ARMC9: variants seen among roughly 807,000 people sequenced by gnomAD.
ARMC9 encodes the protein lisH domain-containing protein ARMC9.
A neutral mutation model predicts 107.0 loss-of-function variants in ARMC9; 94 were observed. The observed-to-expected ratio is 0.88, with a 90% CI of 0.74 to 1.04. The LOEUF (loss-of-function observed/expected upper bound fraction) is 1.04. Among genes scored for constraint, ARMC9 ranks in the 50% least tolerant of loss-of-function variants. ARMC9 has a pLI of 0.00. For synonymous variants in ARMC9, 380 were observed against 396.9 expected (o/e 0.96, Z 0.51); for missense variants, 942 against 1,030.1 (o/e 0.91, Z 1.17).
At chr2:231,210,831 G>A (rs1357031128) in intron 3 of ARMC9, among the ~76,000 whole-genome samples, 1 of 152,168 alleles carries the variant, frequency 6.6e-6, no homozygotes, top group African/African-American at 2.4e-5. Context: ...TGTTAAATGT[G>A]TTCACATTGT....
chr2:231,336,098 T>TAAATAC (rs1182306199), intron 20 of ARMC9, among the ~76,000 whole-genome samples: 1 of 151,516 alleles, frequency 6.6e-6, no homozygotes, highest in South Asian at 2.1e-4. Context: ...TAAAAATAAA[T>TAAATAC]AAATACAAAT....
chr2:231,289,218 C>T (rs1052639221), intron 17 of ARMC9, among the ~76,000 whole-genome samples: 1 of 152,122 alleles, frequency 6.6e-6, no homozygotes, highest in Non-Finnish European at 1.5e-5. Flanking sequence ...TGTAATCCCA[C>T]CACTTTGGGA....
chr2:231,243,228 CAG>C (rs1323461781), intron 9 of ARMC9, among the ~76,000 whole-genome samples: 8 of 146,570 alleles, frequency 5.5e-5, no homozygotes, highest in Non-Finnish European at 3.0e-5. Context: ...GCCTGGGTGA[CAG>C]AGCAAGACTC....
intron 17 of ARMC9, among the ~76,000 whole-genome samples, chr2:231,288,282 TA>T (rs2040745469): frequency 6.6e-6 from 1 of 152,192 alleles, no homozygotes; most frequent in African/African-American, 2.4e-5. Context: ...CTGAGTTACG[TA>T]AAACAATGTA....
chr2:231,296,577 G>A (rs1268083436), intron 19 of ARMC9, among the ~76,000 whole-genome samples: 1 of 152,260 alleles, frequency 6.6e-6, no homozygotes, highest in Non-Finnish European at 1.5e-5. Flanking sequence ...AGGGGCACGA[G>A]CCTCGGCCTG....
intron 19 of ARMC9, among the ~76,000 whole-genome samples, chr2:231,318,843 C>T (rs113758042): frequency 3.3e-5 from 5 of 152,170 alleles, no homozygotes; most frequent in Non-Finnish European, 7.3e-5. Context: ...GGCCAGAAGT[C>T]GTTAGATCCT....
chr2:231,349,352 C>T (rs1005094887), intron 21 of ARMC9, among the ~76,000 whole-genome samples: 24 of 152,114 alleles, frequency 1.6e-4, no homozygotes, highest in Admixed American at 3.9e-4. Context: ...TCACACGTTC[C>T]CACTTACTTA....
chr2:231,234,534 A>G (rs192626720), intron 7 of ARMC9, among the ~76,000 whole-genome samples: 17 of 152,354 alleles, frequency 1.1e-4, no homozygotes, highest in Admixed American at 9.8e-4. Flanking sequence ...CAACTTCATA[A>G]TACAAAAACA....
intron 1 of ARMC9, among the ~76,000 whole-genome samples, chr2:231,205,383 G>A (rs1309477498): frequency 6.6e-6 from 1 of 151,996 alleles, no homozygotes; most frequent in Non-Finnish European, 1.5e-5. Flanking sequence ...AAAAAAATTC[G>A]ATGAGTTCTG....
rs1038135033 is a variant in ARMC9, at chr2:231,255,204, C to G, written c.880-1382C>G. Among the ~76,000 whole-genome samples the G allele has an allele frequency of 2.0e-5, 3 of 151,760 alleles. No individual in the cohort carries two copies. The highest frequency in any genetic ancestry group is 1.3e-4 in the Admixed American group (2 of 15,216). On this transcript the variant is annotated intron_variant, in intron 9 of 24. Transcript: ENST00000611582. The surrounding 1 kb of genome is among the most constrained non-coding windows in gnomAD (Gnocchi z 4.7). Reference sequence around the variant, plus strand: ...AAACACACACACACACACACACACACACACACACACACACACAAAATAAAT... The same window carrying G: ...AAACACACACACACACACACACACAGACACACACACACACACAAAATAAAT...
At chr2:231,286,898 CT>C (rs764509070) in intron 17 of ARMC9, among the ~76,000 whole-genome samples, 4 of 152,158 alleles carry the variant, frequency 2.6e-5, no homozygotes, top group African/African-American at 9.7e-5. Flanking sequence ...CCCATTTGAA[CT>C]TTAAGAGCCT....
intron 19 of ARMC9, among the ~76,000 whole-genome samples, chr2:231,325,895 T>C (rs1174231676): frequency 1.3e-5 from 2 of 152,140 alleles, no homozygotes; most frequent in African/African-American, 4.8e-5. Context: ...GCCCTCACCA[T>C]AGGGCATGAG....
At chr2:231,307,609 C>T (rs573352572) in intron 19 of ARMC9, among the ~76,000 whole-genome samples, 4 of 152,188 alleles carry the variant, frequency 2.6e-5, no homozygotes, top group Non-Finnish European at 5.9e-5. Flanking sequence ...TATCTAGTCT[C>T]ATCTCCCTCT....
intron 23 of ARMC9, 81 bp from the exon 24 acceptor site, chr2:231,369,872 G>A (rs2045950218): frequency 1.5e-5 from 20 of 1,329,572 alleles, no homozygotes; most frequent in Non-Finnish European, 1.8e-5. Context: ...GGGATTATAG[G>A]CGGGAGCCAC....
chr2:231,260,749 C>T (rs2038260162), intron 11 of ARMC9, among the ~76,000 whole-genome samples: 1 of 152,204 alleles, frequency 6.6e-6, no homozygotes, highest in Non-Finnish European at 1.5e-5. Context: ...TTATGCGGCT[C>T]TTGGTTTACT....
chr2:231,222,889 G>T, intron 6 of ARMC9, 69 bp downstream of exon 6: 1 of 1,046,252 alleles, frequency 9.6e-7, no homozygotes, highest in African/African-American at 1.6e-5. Context: ...TTGCACGCTG[G>T]CTTAGGTTTA....
intron 21 of ARMC9, among the ~76,000 whole-genome samples, chr2:231,346,469 T>C (rs7592959): frequency 0.2 from 30,374 of 152,150 alleles, 7,636 homozygotes; most frequent in African/African-American, 0.59. Flanking sequence ...TGCAGTGAGC[T>C]GAGATCTCGC....
intron 12 of ARMC9, 129 bp downstream of exon 12, chr2:231,262,527 A>T: frequency 2.2e-6 from 2 of 907,452 alleles, no homozygotes; most frequent in South Asian, 1.5e-5. Context: ...CCTTGAGCTC[A>T]TGAGGTTCTG....
At chr2:231,241,833 G>A (rs1009353006) in intron 9 of ARMC9, among the ~76,000 whole-genome samples, 23 of 152,088 alleles carry the variant, frequency 1.5e-4, no homozygotes, top group Admixed American at 1.1e-3. Context: ...CTGCCTCTCC[G>A]GAGAGGCAGG....
Sources: allele counts gnomAD v4.1 joint callset (sites outside exome capture counted in the v4.1 genomes callset), GRCh38; gene constraint gnomAD v4.1.1; non-coding constraint Gnocchi (gnomAD v3.1); transcripts MANE v1.5; gene names NCBI Gene and HGNC (gene_info 2026-07-23, HGNC 2026-07-21).